Variants in APCDD1 observed in about 807,000 individuals in gnomAD.
APCDD1 encodes the protein APC down-regulated 1, also known as protein APCDD1.
In APCDD1, 15 loss-of-function variants were observed where a neutral mutation model predicts 38.1. The ratio of observed to expected loss-of-function variants is 0.39; its 90% CI spans 0.26 to 0.61. The LOEUF (loss-of-function observed/expected upper bound fraction) is 0.61, where lower values mean the gene tolerates loss of function less well. APCDD1 is among the 20% of genes least tolerant of loss of function. APCDD1 has a pLI of 0.49. For missense variants in APCDD1, 647 were observed against 696.2 expected (o/e 0.93, Z 0.79); for synonymous variants, 261 against 279.7 (o/e 0.93, Z 0.67).
chr18:10,478,950 C>G (rs1489177700), intron 3 of APCDD1, among the ~76,000 whole-genome samples: 1 of 152,222 alleles, frequency 6.6e-6, no homozygotes, highest in Non-Finnish European at 1.5e-5. Context: ...ATGCTAGCTA[C>G]TCCATTTAAT....
chr18:10,466,484 A>G (rs191280345), intron 1 of APCDD1, among the ~76,000 whole-genome samples: 41 of 152,350 alleles, frequency 2.7e-4, no homozygotes, highest in African/African-American at 9.4e-4. Context: ...CAGCTGAACA[A>G]CTAAAGGGAC....
At chr18:10,464,339 C>CACACACACAG (rs1568002168) in intron 1 of APCDD1, among the ~76,000 whole-genome samples, 1 of 150,728 alleles carries the variant, frequency 6.6e-6, no homozygotes, top group East Asian at 1.9e-4. Flanking sequence ...CACACACACA[C>CACACACACAG]ACACAGACAC....
At position 10,476,335 on chromosome 18, in the gene APCDD1, A is replaced by G. The variant is rs1468295128; in HGVS notation, c.774+4274A>G. ...TGTGAGGTCCAGAGTCCTTTGGCAAATAAGTGACGTTTGAAGAGATTCAGG... is the reference window on the plus strand; with the variant it reads ...TGTGAGGTCCAGAGTCCTTTGGCAAGTAAGTGACGTTTGAAGAGATTCAGG... On this transcript the variant is annotated intron_variant, in intron 3 of 4. Transcript: ENST00000355285. The surrounding 1 kb of genome is among the most constrained non-coding windows in gnomAD (Gnocchi z 5.8). 6.6e-6 allele frequency: 1 copy of G among 152,226 alleles called. No homozygotes were observed. The highest frequency in any genetic ancestry group is 2.4e-5 in the African/African-American group (1 of 41,452). 9.4% of individuals were successfully genotyped at this position (152,226 alleles called of 1,614,324 possible).
chr18:10,462,423 CT>C (rs1368146388), intron 1 of APCDD1, among the ~76,000 whole-genome samples: 2 of 87,246 alleles, frequency 2.3e-5, no homozygotes, highest in Non-Finnish European at 4.7e-5. Context: ...TCCTTCCTTC[CT>C]TTCCCCCTTG....
At position 10,471,972 on chromosome 18, in the gene APCDD1, G is replaced by C. The variant is rs1436346744; in HGVS notation, c.685G>C (p.Glu229Gln). 5 of 1,613,908 alleles carry C rather than the reference G, an allele frequency of 3.1e-6. No homozygotes were observed. Among genetic ancestry groups the C allele is most frequent in the Non-Finnish European group, 4.2e-6 (5 of 1,180,030 alleles). Reference sequence around the variant, plus strand: ...CCACAACCTCGACCACCTGGTCGAGGAGCTCTTCCTTGGTGACATTCACAC... The same window carrying C: ...CCACAACCTCGACCACCTGGTCGAGCAGCTCTTCCTTGGTGACATTCACAC... ...LHHNLDHLVE[E>Q]LFLGDIHTDA... Residue 229 changes from glutamate to glutamine, a missense_variant, in exon 3 of 5, where the codon GAG becomes CAG. Transcript: ENST00000355285. This position sits in a 1 kb window ranked among gnomAD's most constrained non-coding sequence, Gnocchi z 5.5.
In APCDD1 at chr18:10,487,780, G is replaced by C; in HGVS notation, c.1287G>C (p.Gln429His). 5 of 1,614,140 alleles carry C rather than the reference G, an allele frequency of 3.1e-6. No individual in the cohort carries two copies. Among genetic ancestry groups the C allele is most frequent in the Non-Finnish European group, 4.2e-6 (5 of 1,180,046 alleles). The change falls in exon 5 of 5, where the codon CAG (glutamine) becomes CAC (histidine). Residue 429 changes from glutamine (Q) to histidine (H), a missense_variant. Physicochemically the swap from Gln to His is conservative, Grantham distance 24 (BLOSUM62 0). Transcript: ENST00000355285. ...AGTACGAGATCTTCAAAATGGAACA[G>C]GATGCCCGGGGGCGCTATCTGCTGT... is the stretch of plus-strand genomic sequence containing the variant. ...HTEYEIFKME[Q>H]DARGRYLLFN...
intron 3 of APCDD1, among the ~76,000 whole-genome samples, chr18:10,479,767 G>A (rs1040885890): frequency 4.6e-5 from 7 of 152,124 alleles, no homozygotes; most frequent in African/African-American, 1.2e-4. Context: ...AGGAGATGCT[G>A]TACTTGAGCC....
rs967712406 is a variant in APCDD1, at chr18:10,472,116, T to G, written c.774+55T>G. On this transcript the variant is annotated intron_variant, in intron 3 of 4. Transcript: ENST00000355285. The surrounding 1 kb of genome is among the most constrained non-coding windows in gnomAD (Gnocchi z 6.6). ...ATTGAGTAAAGTGGGTGATCCTTCT[T>G]AAAGGCTTGCCATGGGGGCTCTAGG... 6.2e-7 allele frequency: 1 copy of G among 1,609,236 alleles called. No homozygotes were observed. The highest frequency in any genetic ancestry group is 8.5e-7 in the Non-Finnish European group (1 of 1,178,424).
intron 3 of APCDD1, chr18:10,477,438 C>CA (rs1474516800): frequency 1.2e-4 from 18 of 152,200 alleles, no homozygotes; most frequent in Admixed American, 1.2e-3. Flanking sequence ...TGCAGTGTCA[C>CA]AATCACTGGG....
chr18:10,462,961 A>G (rs1013605225), intron 1 of APCDD1, among the ~76,000 whole-genome samples: 5 of 152,088 alleles, frequency 3.3e-5, no homozygotes, highest in South Asian at 2.1e-4. Context: ...AATTCTTACC[A>G]TACCACGACA....
At chr18:10,482,157 A>C (rs918606385) in intron 3 of APCDD1, among the ~76,000 whole-genome samples, 1 of 149,646 alleles carries the variant, frequency 6.7e-6, no homozygotes, top group African/African-American at 2.5e-5. Context: ...TCCCACCCCC[A>C]CCTTAGAAGC....
chr18:10,482,386 C>T (rs962852868), intron 3 of APCDD1, among the ~76,000 whole-genome samples: 2 of 152,136 alleles, frequency 1.3e-5, no homozygotes, highest in Non-Finnish European at 2.9e-5. Flanking sequence ...GCTTTGGGGA[C>T]CTGCCCAGGC....
At position 10,468,670 on chromosome 18, in the gene APCDD1, G is replaced by C. The variant is rs1279702888; in HGVS notation, c.242+18G>C. ...TCCACAGGGTAAGAGGACAGGTGGGGTCTGGGAGAGGCCAGAGAGCACACC... is the reference window on the plus strand; with the variant it reads ...TCCACAGGGTAAGAGGACAGGTGGGCTCTGGGAGAGGCCAGAGAGCACACC... On this transcript the variant is annotated intron_variant, in intron 2 of 4. Transcript: ENST00000355285. 1.9e-6 allele frequency: 3 copies of C among 1,612,658 alleles called. No homozygotes were observed. In the African/African-American group the frequency reaches 4.0e-5, roughly 22 times the overall value.
chr18:10,462,650 C>T (rs868160363), intron 1 of APCDD1, among the ~76,000 whole-genome samples: 1 of 118,152 alleles, frequency 8.5e-6, no homozygotes, highest in African/African-American at 3.6e-5. Context: ...TCCCTCCTTC[C>T]TTCCTTCCTT....
Position 10,488,125 on chromosome 18 carries a change from T to C in APCDD1, c.*87T>C, listed in dbSNP as rs2031290937. The C allele has an allele frequency of 6.7e-7, 1 of 1,495,000 alleles. No individual in the cohort carries two copies. Among genetic ancestry groups the C allele is most frequent in the African/African-American group, 1.4e-5 (1 of 72,328 alleles). The allele number at this position is 1,495,000 out of a possible 1,614,324, so 92.6% of individuals were successfully genotyped here. On this transcript the variant is annotated 3_prime_UTR_variant, in exon 5 of 5. Coordinates refer to ENST00000355285, the MANE Select transcript of APCDD1 (RefSeq NM_153000.5). Reference sequence around the variant, plus strand: ...CCAAAAGAAAAGACATTTATTCTTTTGATGCACTTGAATGCCAGAGAACTG... The same window carrying C: ...CCAAAAGAAAAGACATTTATTCTTTCGATGCACTTGAATGCCAGAGAACTG...
chr18:10,485,998 G>A lies in APCDD1; in HGVS notation c.1096+215G>A, dbSNP rs1568008561. 6.6e-6 allele frequency among the ~76,000 whole-genome samples: 1 copy of A among 152,196 alleles called. No homozygotes were observed. The highest frequency in any genetic ancestry group is 1.5e-5 in the Non-Finnish European group (1 of 68,030). On this transcript the variant is annotated intron_variant, in intron 4 of 4. Transcript: ENST00000355285. This position sits in a 1 kb window ranked among gnomAD's most constrained non-coding sequence, Gnocchi z 5.8. Reference sequence around the variant, plus strand: ...ACAGCCTCCACTTGCAGGCCTGAATGCGAGAGGAGTCCACGCCACTGCCTG... The same window carrying A: ...ACAGCCTCCACTTGCAGGCCTGAATACGAGAGGAGTCCACGCCACTGCCTG...
intron 1 of APCDD1, among the ~76,000 whole-genome samples, chr18:10,465,008 C>T (rs77829442): frequency 0.04 from 6,130 of 152,280 alleles, 194 homozygotes; most frequent in Non-Finnish European, 0.06. Flanking sequence ...AGGCAGGGTG[C>T]TAAACTGAAA....
At chr18:10,464,525 T>TA (rs1403983537) in intron 1 of APCDD1, among the ~76,000 whole-genome samples, 2 of 152,220 alleles carry the variant, frequency 1.3e-5, no homozygotes, top group African/African-American at 4.8e-5. Flanking sequence ...TGGGCTCATG[T>TA]GATCCTCCCG....
At chr18:10,460,101 TC>T (rs2030493550) in intron 1 of APCDD1, among the ~76,000 whole-genome samples, 1 of 152,222 alleles carries the variant, frequency 6.6e-6, no homozygotes, top group African/African-American at 2.4e-5. Flanking sequence ...ATCGTTTCCT[TC>T]CCAAATAATT....
Sources: gnomAD v4.1 joint callset for allele counts (sites outside exome capture counted in the v4.1 genomes callset) on GRCh38, gnomAD v4.1.1 for gene constraint, Gnocchi (gnomAD v3.1) non-coding constraint, MANE v1.5 for transcripts, NCBI Gene and HGNC (gene_info 2026-07-23, HGNC 2026-07-21) for gene names.